The following SLC44A5 variants were observed in gnomAD, a reference collection of about 807,000 sequenced individuals.
SLC44A5 encodes the protein choline transporter-like protein 5.
SLC44A5 carries 57 observed loss-of-function variants against 101.8 expected under a neutral mutation model. The observed-to-expected ratio is 0.56, with a 90% CI of 0.45 to 0.70. The LOEUF (loss-of-function observed/expected upper bound fraction) is 0.70, where lower values mean the gene tolerates loss of function less well. Ranked by LOEUF, SLC44A5 falls within the 30% of genes least tolerant of loss-of-function variation. SLC44A5 has a pLI of 0.00. For synonymous variants in SLC44A5, 281 were observed against 290.9 expected (o/e 0.97, Z 0.35); for missense variants, 737 against 853.1 (o/e 0.86, Z 1.70).
intron 1 of SLC44A5, among the ~76,000 whole-genome samples, chr1:75,604,415 G>A (rs2102161096): frequency 6.6e-6 from 1 of 152,188 alleles, no homozygotes; most frequent in Non-Finnish European, 1.5e-5. Flanking sequence ...GCTTACTGTA[G>A]CCTTACAATA....
At chr1:75,616,569 G>T in the SLC44A5 span, among the ~76,000 whole-genome samples, 1 of 152,210 alleles carries the variant, frequency 6.6e-6, no homozygotes, top group Non-Finnish European at 1.5e-5. Flanking sequence ...TGTCCCTTGC[G>T]ACCCGGCCCA....
the SLC44A5 span, among the ~76,000 whole-genome samples, chr1:75,688,062 A>G: frequency 6.6e-5 from 10 of 152,276 alleles, no homozygotes; most frequent in Admixed American, 6.5e-4. Context: ...CTCTGACTAG[A>G]GAGCAAACCT....
chr1:75,684,280 G>A, the SLC44A5 span, among the ~76,000 whole-genome samples: 1 of 152,144 alleles, frequency 6.6e-6, no homozygotes, highest in Non-Finnish European at 1.5e-5. Context: ...GTAGGGACAT[G>A]GAGCCAAACC....
chr1:75,510,337 G>A (rs1442954497), intron 2 of SLC44A5, among the ~76,000 whole-genome samples: 1 of 152,076 alleles, frequency 6.6e-6, no homozygotes, highest in Non-Finnish European at 1.5e-5. Flanking sequence ...AGGAAAATAA[G>A]AAAAATACTG....
chr1:75,247,460 A>G (rs669806), intron 7 of SLC44A5, among the ~76,000 whole-genome samples: 111,115 of 151,986 alleles, frequency 0.73, 40,793 homozygotes, highest in East Asian at 0.93. Flanking sequence ...AAGGTCTGGA[A>G]CTCAAGGAGC....
the SLC44A5 span, among the ~76,000 whole-genome samples, chr1:75,717,230 A>G: frequency 6.6e-6 from 1 of 150,804 alleles, no homozygotes; most frequent in Non-Finnish European, 1.5e-5. Flanking sequence ...AATCCCAGCT[A>G]CTCCGTAGGC....
chr1:75,706,361 C>G, the SLC44A5 span, among the ~76,000 whole-genome samples: 233 of 152,046 alleles, frequency 1.5e-3, no homozygotes, highest in African/African-American at 5.3e-3. Flanking sequence ...TTCTTTTGAC[C>G]TCAAATATAA....
At chr1:75,543,095 A>T (rs1303818633) in intron 1 of SLC44A5, among the ~76,000 whole-genome samples, 1 of 152,184 alleles carries the variant, frequency 6.6e-6, no homozygotes, top group East Asian at 1.9e-4. Flanking sequence ...CATACACAAT[A>T]AAAACACTTT....
intron 1 of SLC44A5, among the ~76,000 whole-genome samples, chr1:75,609,069 A>T (rs1392517077): frequency 1.3e-5 from 2 of 151,810 alleles, no homozygotes; most frequent in Admixed American, 6.6e-5. Context: ...TAAGCGATTG[A>T]TTAACACTTA....
At chr1:75,471,916 G>A (rs1667134581) in intron 2 of SLC44A5, among the ~76,000 whole-genome samples, 1 of 151,334 alleles carries the variant, frequency 6.6e-6, no homozygotes, top group Non-Finnish European at 1.5e-5. Flanking sequence ...GCCACTTCCT[G>A]GTTATTTTTA....
chr1:75,686,656 C>G, the SLC44A5 span, among the ~76,000 whole-genome samples: 1 of 152,164 alleles, frequency 6.6e-6, no homozygotes, highest in South Asian at 2.1e-4. Flanking sequence ...GAATTTTCAG[C>G]AGAAAAGTGA....
chr1:75,469,564 C>G (rs138337340), intron 2 of SLC44A5, among the ~76,000 whole-genome samples: 2 of 151,910 alleles, frequency 1.3e-5, no homozygotes. Context: ...TAAAATGGTA[C>G]GGCGTATAAT....
intron 6 of SLC44A5, among the ~76,000 whole-genome samples, chr1:75,267,309 T>C (rs193302356): frequency 6.6e-6 from 1 of 152,308 alleles, no homozygotes; most frequent in Admixed American, 6.5e-5. Flanking sequence ...ACATATTCTT[T>C]TGAGAAAATG....
At chr1:75,529,339 C>T (rs1670595945) in intron 2 of SLC44A5, among the ~76,000 whole-genome samples, 1 of 152,146 alleles carries the variant, frequency 6.6e-6, no homozygotes, top group Admixed American at 6.5e-5. Context: ...TATCTCTTTC[C>T]TACTAACCAT....
rs1660882230 is a variant in SLC44A5, at chr1:75,380,766, G to A, written c.52+15817C>T. 2.4e-5 allele frequency among the ~76,000 whole-genome samples: 2 copies of A among 82,564 alleles called. 1 individual carries two copies. Among genetic ancestry groups the A allele is most frequent in the South Asian group, 7.3e-4 (2 of 2,722 alleles). 54.2% of individuals were successfully genotyped at this position (82,564 alleles called of 152,430 possible). A position where few individuals can be genotyped will look rare whatever the true frequency, so the allele number is the denominator to read the frequency against. ...GAGATGCAAAGAAAAGGGCCTCCAC[G>A]GAGATGGTAACACCAGTCACATGGA... On this transcript the variant is annotated intron_variant, in intron 3 of 23. Coordinates refer to ENST00000370859, the MANE Select transcript of SLC44A5 (RefSeq NM_001130058.2).
the SLC44A5 span, among the ~76,000 whole-genome samples, chr1:75,616,637 GA>G: frequency 6.6e-6 from 1 of 152,212 alleles, no homozygotes; most frequent in African/African-American, 2.4e-5. Context: ...CCACGCGGGC[GA>G]TGAGCCCCGA....
intron 6 of SLC44A5, among the ~76,000 whole-genome samples, chr1:75,266,518 G>A (rs1397591617): frequency 6.6e-6 from 1 of 152,112 alleles, no homozygotes; most frequent in Non-Finnish European, 1.5e-5. Flanking sequence ...TGCTACCTTT[G>A]CCATTTAATA....
intron 1 of SLC44A5, among the ~76,000 whole-genome samples, chr1:75,550,719 A>G (rs1671891988): frequency 6.6e-6 from 1 of 152,132 alleles, no homozygotes. Context: ...ACAGGATTTG[A>G]TGATGTCAGT....
In SLC44A5 at chr1:75,203,941, T is replaced by TTGTTG. The variant is rs1553138908; in HGVS notation, c.2048-109_2048-108insCAACA. On this transcript the variant is annotated intron_variant, in intron 23 of 23. Coordinates refer to ENST00000370859, the MANE Select transcript of SLC44A5 (RefSeq NM_001130058.2). The stretch of plus-strand genomic sequence containing the variant: ...ACAGCAGTTCAAAATCCTTTTGTTG[T>TTGTTG]TTTTTTTTTGTTGTTGTTTTTTAAA... 2.4e-6 allele frequency: 3 copies of TTGTTG among 1,241,096 alleles called. No homozygotes were observed. The South Asian group carries it at 6.0e-5, about 25-fold the overall frequency. 76.9% of individuals were successfully genotyped at this position (1,241,096 alleles called of 1,614,324 possible).
Sources: gnomAD v4.1 joint callset for allele counts (sites outside exome capture counted in the v4.1 genomes callset) on GRCh38, gnomAD v4.1.1 for gene constraint, MANE v1.5 for transcripts, NCBI Gene and HGNC (gene_info 2026-07-23, HGNC 2026-07-21) for gene names.